Variants in HSDL2 observed in about 807,000 individuals in gnomAD.
HSDL2 encodes the protein hydroxysteroid dehydrogenase like 2, also known as hydroxysteroid dehydrogenase-like protein 2.
A neutral mutation model predicts 46.3 loss-of-function variants in HSDL2; 27 were observed. The ratio of observed to expected loss-of-function variants is 0.58; its 90% CI spans 0.43 to 0.80. The LOEUF is 0.80. Among genes scored for constraint, HSDL2 ranks in the 30% least tolerant of loss-of-function variants. HSDL2 has a pLI of 0.00. For missense variants in HSDL2, 451 were observed against 502.7 expected (o/e 0.90, Z 0.98); for synonymous variants, 153 against 163.6 (o/e 0.94, Z 0.50).
In HSDL2 at chr9:112,407,874, G is replaced by A. The variant is rs78979523; in HGVS notation, c.281-1033G>A. ...CTTCACAAAGAATAATGAAGACCAGGTAGAAACAAAGAAAAAATGTTTGAC... is the reference window on the plus strand; with the variant it reads ...CTTCACAAAGAATAATGAAGACCAGATAGAAACAAAGAAAAAATGTTTGAC... On this transcript the variant is annotated intron_variant, in intron 3 of 10. Coordinates refer to ENST00000398805, the MANE Select transcript of HSDL2 (RefSeq NM_032303.5). Among the ~76,000 whole-genome samples the A allele has an allele frequency of 5.8e-3, 876 of 152,192 alleles. 6 individuals are homozygous for A. Among genetic ancestry groups the A allele is most frequent in the Admixed American group, 0.011 (164 of 15,278 alleles).
At chr9:112,427,846 A>G (rs1832287541) in intron 6 of HSDL2, among the ~76,000 whole-genome samples, 1 of 152,138 alleles carries the variant, frequency 6.6e-6, no homozygotes. Flanking sequence ...TCCAACAACT[A>G]TTGATTGGAC....
intron 9 of HSDL2, among the ~76,000 whole-genome samples, chr9:112,458,005 G>A (rs1833082543): frequency 1.3e-5 from 2 of 152,116 alleles, no homozygotes; most frequent in Admixed American, 1.3e-4. Context: ...GACACATCCT[G>A]TAGGATGAAG....
intron 1 of HSDL2, among the ~76,000 whole-genome samples, chr9:112,390,109 T>TAAAGTAA (rs1205718149): frequency 1.4e-5 from 2 of 146,022 alleles, no homozygotes; most frequent in African/African-American, 2.6e-5. Context: ...AAGTAAAAAA[T>TAAAGTAA]AAAATAAAAT....
At chr9:112,438,687 T>G in intron 7 of HSDL2, 62 bp downstream of exon 7, 1 of 980,838 alleles carries the variant, frequency 1.0e-6, no homozygotes, top group Non-Finnish European at 1.5e-6. Context: ...GCAATGAACA[T>G]ATCTGTTTTT....
In HSDL2 at chr9:112,411,289, T is replaced by C. The variant is rs188328386; in HGVS notation, c.395+2268T>C. Among the ~76,000 whole-genome samples the C allele has an allele frequency of 2.0e-5, 3 of 152,378 alleles. No homozygotes were observed. In the East Asian group the frequency reaches 5.8e-4, roughly 29 times the overall value. ...TCAAGCAAAATGGGTGAAAGCTTAC[T>C]TGTTTGTAGATGTAAGGCATATTTC... On this transcript the variant is annotated intron_variant, in intron 4 of 10. Coordinates refer to ENST00000398805, the MANE Select transcript of HSDL2 (RefSeq NM_032303.5).
At position 112,380,196 on chromosome 9, in the gene HSDL2, C is replaced by T. The variant is rs370220555; in HGVS notation, c.17+16C>T. 2.0e-5 allele frequency: 32 copies of T among 1,561,034 alleles called. No individual in the cohort carries two copies. In the African/African-American group the frequency reaches 3.6e-4, roughly 17 times the overall value. Reference sequence around the variant, plus strand: ...CCAACACCGGGTAAGGGGGTAGGGGCGGCGCGGGGAGAGACCCTGTCGGGC... The same window carrying T: ...CCAACACCGGGTAAGGGGGTAGGGGTGGCGCGGGGAGAGACCCTGTCGGGC... On this transcript the variant is annotated intron_variant, in intron 1 of 10. Coordinates refer to ENST00000398805, the MANE Select transcript of HSDL2 (RefSeq NM_032303.5).
At chr9:112,397,351 C>T (rs919589395) in intron 1 of HSDL2, among the ~76,000 whole-genome samples, 9 of 152,178 alleles carry the variant, frequency 5.9e-5, no homozygotes, top group South Asian at 2.1e-4. Flanking sequence ...GGCCATTTTA[C>T]ACTCATGGTT....
intron 1 of HSDL2, among the ~76,000 whole-genome samples, chr9:112,389,068 C>T (rs943066097): frequency 4.0e-5 from 6 of 151,092 alleles, no homozygotes; most frequent in Non-Finnish European, 7.4e-5. Flanking sequence ...GTCTCTGTTT[C>T]CCAGGCTAGA....
chr9:112,456,664 T>C (rs1251589078), intron 9 of HSDL2, among the ~76,000 whole-genome samples: 2 of 152,212 alleles, frequency 1.3e-5, no homozygotes, highest in Non-Finnish European at 2.9e-5. Context: ...CGACTGATTA[T>C]GTGTCCCTGT....
At chr9:112,393,146 A>G (rs1831384852) in intron 1 of HSDL2, among the ~76,000 whole-genome samples, 1 of 152,252 alleles carries the variant, frequency 6.6e-6, no homozygotes, top group Admixed American at 6.5e-5. Context: ...AGCCCCCAAT[A>G]GACTTAATCC....
chr9:112,463,335 T>C (rs1202607009), intron 10 of HSDL2, among the ~76,000 whole-genome samples: 1 of 152,036 alleles, frequency 6.6e-6, no homozygotes, highest in East Asian at 1.9e-4. Flanking sequence ...CTTGAACTTC[T>C]GGGCTAAAGC....
chr9:112,429,551 A>G (rs1832337830), intron 6 of HSDL2, among the ~76,000 whole-genome samples: 2 of 152,242 alleles, frequency 1.3e-5, no homozygotes, highest in Non-Finnish European at 2.9e-5. Context: ...ATAAACATTC[A>G]TCGGACACTT....
At chr9:112,448,711 A>AT (rs11328991) in intron 8 of HSDL2, among the ~76,000 whole-genome samples, 1 of 151,024 alleles carries the variant, frequency 6.6e-6, no homozygotes, top group South Asian at 2.1e-4. Context: ...CACCCAGCTA[A>AT]TTTTTTTTTT....
At chr9:112,433,765 T>G (rs1832459660) in intron 6 of HSDL2, 1 of 152,292 alleles carries the variant, frequency 6.6e-6, no homozygotes, top group African/African-American at 2.4e-5. Flanking sequence ...GTAGAGTGAC[T>G]CTCTTTATGT....
At chr9:112,396,016 C>G (rs1401946046) in intron 1 of HSDL2, among the ~76,000 whole-genome samples, 1 of 152,218 alleles carries the variant, frequency 6.6e-6, no homozygotes, top group Non-Finnish European at 1.5e-5. Flanking sequence ...TTTACGGTAA[C>G]TTGAAGAGGT....
chr9:112,392,503 T>C (rs533392856), intron 1 of HSDL2, among the ~76,000 whole-genome samples: 14 of 152,284 alleles, frequency 9.2e-5, no homozygotes, highest in Admixed American at 2.0e-4. Context: ...AGAGTGGCCG[T>C]TGATAGACCT....
intron 8 of HSDL2, among the ~76,000 whole-genome samples, chr9:112,442,818 C>T (rs1413874857): frequency 6.6e-6 from 1 of 151,872 alleles, no homozygotes; most frequent in Admixed American, 6.6e-5. Context: ...TCTGTGGCAC[C>T]TTACTGCAAT....
chr9:112,443,990 A>G lies in HSDL2; in HGVS notation c.865+2220A>G, dbSNP rs192563770. On this transcript the variant is annotated intron_variant, in intron 8 of 10. Coordinates refer to ENST00000398805, the MANE Select transcript of HSDL2 (RefSeq NM_032303.5). ...CTTTGATAGGGATAACTTTGCCTAT[A>G]GCCATCTCCACATAAGCAATGCTCT... is the stretch of plus-strand genomic sequence containing the variant. Among the ~76,000 whole-genome samples the G allele has an allele frequency of 4.0e-3, 605 of 152,332 alleles. 9 individuals are homozygous for G. In the South Asian group the frequency reaches 0.042, roughly 11 times the overall value.
intron 1 of HSDL2, among the ~76,000 whole-genome samples, chr9:112,383,637 C>T (rs35064764): frequency 0.14 from 21,507 of 152,060 alleles, 2,107 homozygotes; most frequent in East Asian, 0.23. Context: ...GCACATATAG[C>T]GCTCTGTTTC....
Sources: allele counts gnomAD v4.1 joint callset (sites outside exome capture counted in the v4.1 genomes callset), GRCh38; gene constraint gnomAD v4.1.1; transcripts MANE v1.5; gene names NCBI Gene and HGNC (gene_info 2026-07-23, HGNC 2026-07-21).